Variants in RNF138 observed in about 807,000 individuals in gnomAD.
RNF138 encodes the protein ring finger protein 138.
RNF138 carries 12 observed loss-of-function variants against 31.0 expected under a neutral mutation model. That is an observed-to-expected ratio of 0.39 (90% CI 0.25 to 0.63). The LOEUF (loss-of-function observed/expected upper bound fraction) is 0.63, where lower values mean the gene tolerates loss of function less well. Ranked by LOEUF, RNF138 falls within the 20% of genes least tolerant of loss-of-function variation. RNF138 has a pLI of 0.52. For missense variants in RNF138, 192 were observed against 300.1 expected, an observed-to-expected ratio of 0.64 and a Z score of 2.66; for synonymous variants, 105 against 99.5, an observed-to-expected ratio of 1.06 and a Z score of -0.33.
At chr18:32,096,438 C>T (rs992740566) in intron 2 of RNF138, among the ~76,000 whole-genome samples, 8 of 152,188 alleles carry the variant, frequency 5.3e-5, no homozygotes, top group Admixed American at 4.6e-4. Flanking sequence ...GTGTGTATAC[C>T]ATATGTAGAT....
rs561063964 is a variant in RNF138 at position 32,130,761 on chromosome 18, T to G, written c.*1574T>G. 3.3e-5 allele frequency: 5 copies of G among 152,570 alleles called. No homozygotes were observed. The highest frequency in any genetic ancestry group is 1.2e-4 in the African/African-American group (5 of 41,574). 9.5% of individuals were successfully genotyped at this position (152,570 alleles called of 1,614,324 possible). A position where few individuals can be genotyped will look rare whatever the true frequency, so the allele number is the denominator to read the frequency against. On this transcript the variant is annotated 3_prime_UTR_variant, in exon 8 of 8. Transcript: ENST00000261593. ...CTTTTTCAGTCAAACAGTAAAGACT[T>G]TATTTATGGATTGTAATAACAACCA...
At chr18:32,127,714 G>A (rs573567205) in intron 7 of RNF138, among the ~76,000 whole-genome samples, 1 of 152,192 alleles carries the variant, frequency 6.6e-6, no homozygotes, top group Non-Finnish European at 1.5e-5. Context: ...GCTATGTAAT[G>A]TATTTGGAAA....
chr18:32,095,802 C>A (rs148582385), intron 2 of RNF138, among the ~76,000 whole-genome samples: 1 of 152,216 alleles, frequency 6.6e-6, no homozygotes, highest in African/African-American at 2.4e-5. Flanking sequence ...TGCTCTTTGT[C>A]TGGTGCAGGG....
rs2040454248 is a variant in RNF138, at chr18:32,130,397, G to C, written c.*1210G>C. On this transcript the variant is annotated 3_prime_UTR_variant, in exon 8 of 8. Coordinates refer to ENST00000261593, the MANE Select transcript of RNF138 (RefSeq NM_016271.5). ...AGTGAGAAAGATTCTACCAACCACT[G>C]TTTCACTACTTTTTAGTTAAAATTG... is the stretch of plus-strand genomic sequence containing the variant. The C allele has an allele frequency of 6.6e-6, 1 of 152,252 alleles. No homozygotes were observed. The highest frequency in any genetic ancestry group is 1.5e-5 in the Non-Finnish European group (1 of 67,842). The allele number at this position is 152,252 out of a possible 1,614,324, so 9.4% of individuals were successfully genotyped here. A position where few individuals can be genotyped will look rare whatever the true frequency, so the allele number is the denominator to read the frequency against.
In RNF138 at chr18:32,092,683, C is replaced by T. The variant is rs761860085; in HGVS notation, c.-77-17C>T. 4.6e-5 allele frequency: 34 copies of T among 736,156 alleles called. No individual in the cohort carries two copies. Among genetic ancestry groups the T allele is most frequent in the Admixed American group, 1.7e-4 (8 of 47,898 alleles). The allele number at this position is 736,156 out of a possible 1,614,324, so 45.6% of individuals were successfully genotyped here. Reference sequence around the variant, plus strand: ...GTATCCTGATGCGATCCCCCTCCCCCCTCCGGGTTCATGTAGGGAGTCGGG... The same window carrying T: ...GTATCCTGATGCGATCCCCCTCCCCTCTCCGGGTTCATGTAGGGAGTCGGG... On this transcript the variant is annotated splice_polypyrimidine_tract_variant and intron_variant, in intron 1 of 7. Transcript: ENST00000261593.
chr18:32,115,905 C>T (rs1568235944), intron 4 of RNF138, among the ~76,000 whole-genome samples: 1 of 152,148 alleles, frequency 6.6e-6, no homozygotes, highest in African/African-American at 2.4e-5. Flanking sequence ...TGTTCCCTCT[C>T]TTTGCCATTC....
At chr18:32,094,681 C>T (rs966892176) in intron 2 of RNF138, among the ~76,000 whole-genome samples, 2 of 151,980 alleles carry the variant, frequency 1.3e-5, no homozygotes, top group African/African-American at 4.8e-5. Context: ...AACTTGGTCC[C>T]TTTCCAATAT....
At chr18:32,104,719 A>G (rs1375959956) in intron 2 of RNF138, among the ~76,000 whole-genome samples, 2 of 152,234 alleles carry the variant, frequency 1.3e-5, no homozygotes, top group African/African-American at 4.8e-5. Flanking sequence ...AAATATACAC[A>G]GCTTCTTAAA....
intron 2 of RNF138, among the ~76,000 whole-genome samples, chr18:32,106,227 C>T (rs1414061334): frequency 4.6e-5 from 7 of 152,276 alleles, no homozygotes; most frequent in East Asian, 1.9e-4. Flanking sequence ...CAAGGTTGCA[C>T]GAGTGGTCTA....
At chr18:32,111,439 G>T (rs1481811438) in intron 2 of RNF138, among the ~76,000 whole-genome samples, 1 of 152,128 alleles carries the variant, frequency 6.6e-6, no homozygotes, top group East Asian at 1.9e-4. Flanking sequence ...CCAGGATCCG[G>T]TTTTTCCTTT....
At chr18:32,100,670 T>G (rs2039919105) in intron 2 of RNF138, among the ~76,000 whole-genome samples, 1 of 152,116 alleles carries the variant, frequency 6.6e-6, no homozygotes, top group African/African-American at 2.4e-5. Context: ...AGACGGGGGT[T>G]TCACCATGTT....
intron 4 of RNF138, among the ~76,000 whole-genome samples, chr18:32,114,619 C>A (rs2040185617): frequency 6.6e-6 from 1 of 152,112 alleles, no homozygotes; most frequent in Non-Finnish European, 1.5e-5. Context: ...TGTATCATCA[C>A]CCATGCATGT....
chr18:32,108,130 C>T (rs1408574645), intron 2 of RNF138, among the ~76,000 whole-genome samples: 2 of 152,184 alleles, frequency 1.3e-5, no homozygotes, highest in Non-Finnish European at 2.9e-5. Context: ...GCTGGGATTA[C>T]AGGCGTAAGC....
chr18:32,096,658 A>G (rs9954966), intron 2 of RNF138, among the ~76,000 whole-genome samples: 3 of 152,234 alleles, frequency 2.0e-5, no homozygotes, highest in Admixed American at 2.0e-4. Flanking sequence ...GAGGATTCAG[A>G]TCATCTGCAA....
chr18:32,118,623 GT>G (rs1402758748), intron 4 of RNF138, among the ~76,000 whole-genome samples: 4 of 151,986 alleles, frequency 2.6e-5, no homozygotes, highest in Non-Finnish European at 5.9e-5. Context: ...TAGGTCAGAA[GT>G]TCGAGACCAG....
intron 6 of RNF138, 45 bp from the exon 7 acceptor site, chr18:32,126,648 C>A: frequency 3.5e-6 from 4 of 1,138,778 alleles, no homozygotes; most frequent in East Asian, 4.7e-5. Flanking sequence ...TATAATATTT[C>A]ATTGTTTTTA....
rs2040446891 is a variant in RNF138, at chr18:32,129,979, A to C, written c.*792A>C. On this transcript the variant is annotated 3_prime_UTR_variant, in exon 8 of 8. Coordinates refer to ENST00000261593, the MANE Select transcript of RNF138 (RefSeq NM_016271.5). ...TCTGATTAACTAAGTTGAAACTCTT[A>C]TTAGAAACTTTCAGTTGGTGATATT... The C allele has an allele frequency of 6.6e-6, 1 of 152,228 alleles. No homozygotes were observed. The highest frequency in any genetic ancestry group is 6.6e-5 in the Admixed American group (1 of 15,252). The allele number at this position is 152,228 out of a possible 1,614,324, so 9.4% of individuals were successfully genotyped here.
At chr18:32,110,862 C>CA (rs893107360) in intron 2 of RNF138, among the ~76,000 whole-genome samples, 40 of 151,884 alleles carry the variant, frequency 2.6e-4, no homozygotes, top group African/African-American at 9.4e-4. Context: ...CTCACTGCAA[C>CA]CTCTGTCTCC....
At chr18:32,101,364 G>A (rs979388775) in intron 2 of RNF138, among the ~76,000 whole-genome samples, 12 of 151,688 alleles carry the variant, frequency 7.9e-5, no homozygotes, top group African/African-American at 2.4e-4. Flanking sequence ...GATTACAGGC[G>A]TGCACCACCA....
Sources: allele counts gnomAD v4.1 joint callset (sites outside exome capture counted in the v4.1 genomes callset), GRCh38; gene constraint gnomAD v4.1.1; transcripts MANE v1.5; gene names NCBI Gene and HGNC (gene_info 2026-07-23, HGNC 2026-07-21).